CTNNA3: variants seen among roughly 807,000 people sequenced by gnomAD.
CTNNA3 encodes catenin alpha-3.
CTNNA3 carries 76 observed loss-of-function variants against 95.7 expected under a neutral mutation model. The ratio of observed to expected loss-of-function variants is 0.79; its 90% CI spans 0.66 to 0.96. The LOEUF is 0.96. CTNNA3 is among the 40% of genes least tolerant of loss of function. The probability of loss-of-function intolerance (pLI) is 0.00; values close to 1 mark genes in which losing one functional copy is unlikely to be tolerated. For missense variants in CTNNA3, 1,191 were observed against 1,089.8 expected, an observed-to-expected ratio of 1.09 and a Z score of -1.31; for synonymous variants, 431 against 374.4, an observed-to-expected ratio of 1.15 and a Z score of -1.74.
intron 10 of CTNNA3, among the ~76,000 whole-genome samples, chr10:66,537,188 G>A (rs1841691107): frequency 6.6e-6 from 1 of 152,040 alleles, no homozygotes; most frequent in Non-Finnish European, 1.5e-5. Flanking sequence ...AAACAAGTTT[G>A]CAGCATAAAA....
At chr10:66,104,418 T>C (rs1327575198) in intron 13 of CTNNA3, among the ~76,000 whole-genome samples, 1 of 152,216 alleles carries the variant, frequency 6.6e-6, no homozygotes, top group African/African-American at 2.4e-5. Flanking sequence ...TAGTATTTGT[T>C]TTAGTGCACA....
chr10:66,656,201 G>T (rs1846068969), intron 9 of CTNNA3, among the ~76,000 whole-genome samples: 1 of 152,104 alleles, frequency 6.6e-6, no homozygotes, highest in South Asian at 2.1e-4. Flanking sequence ...GAGCAGGACA[G>T]CAAAGGATCT....
chr10:66,350,697 A>T (rs182418716), intron 12 of CTNNA3, among the ~76,000 whole-genome samples: 2 of 152,108 alleles, frequency 1.3e-5, no homozygotes, highest in East Asian at 3.9e-4. Context: ...ACATGACAGA[A>T]TCAATGTCAT....
chr10:66,420,571 C>T (rs369717580), intron 11 of CTNNA3, among the ~76,000 whole-genome samples: 6 of 151,898 alleles, frequency 4.0e-5, no homozygotes, highest in East Asian at 1.9e-4. Context: ...GAATCTGAGA[C>T]GGGCAGGTCA....
At chr10:67,380,605 CAACT>C (rs1487258420) in intron 5 of CTNNA3, among the ~76,000 whole-genome samples, 7 of 152,136 alleles carry the variant, frequency 4.6e-5, no homozygotes, top group Non-Finnish European at 8.8e-5. Context: ...TTGATATACT[CAACT>C]GTCTAAATGA....
At chr10:67,434,809 C>G (rs1640574084) in intron 5 of CTNNA3, among the ~76,000 whole-genome samples, 2 of 151,906 alleles carry the variant, frequency 1.3e-5, no homozygotes, top group Admixed American at 6.6e-5. Flanking sequence ...CATGACTTAC[C>G]AAGTCAGCAT....
chr10:66,629,264 T>A (rs1845048073), intron 9 of CTNNA3, among the ~76,000 whole-genome samples: 1 of 152,036 alleles, frequency 6.6e-6, no homozygotes, highest in South Asian at 2.1e-4. Context: ...CAGAGGACTG[T>A]GTATGAGGTA....
intron 7 of CTNNA3, among the ~76,000 whole-genome samples, chr10:66,988,769 T>C (rs1850872444): frequency 6.6e-6 from 1 of 152,058 alleles, no homozygotes; most frequent in Admixed American, 6.6e-5. Flanking sequence ...AGGTGCAATT[T>C]TTTTCCTACT....
At chr10:66,583,630 T>C (rs1843267688) in intron 10 of CTNNA3, among the ~76,000 whole-genome samples, 2 of 151,694 alleles carry the variant, frequency 1.3e-5, no homozygotes, top group African/African-American at 2.4e-5. Context: ...TTGAAGGAGC[T>C]ATTTTTTGTT....
At chr10:67,401,581 C>T (rs1844924588) in intron 5 of CTNNA3, among the ~76,000 whole-genome samples, 1 of 152,122 alleles carries the variant, frequency 6.6e-6, no homozygotes, top group African/African-American at 2.4e-5. Flanking sequence ...CCAGACCTCT[C>T]CCTAAGGGAG....
At chr10:66,340,524 A>G (rs1488978761) in intron 12 of CTNNA3, among the ~76,000 whole-genome samples, 3 of 151,852 alleles carry the variant, frequency 2.0e-5, no homozygotes, top group Non-Finnish European at 4.4e-5. Flanking sequence ...AAATATTACT[A>G]TGTCTGAAGA....
intron 1 of CTNNA3, among the ~76,000 whole-genome samples, chr10:67,680,394 A>G (rs764955124): frequency 6.6e-6 from 1 of 152,224 alleles, no homozygotes; most frequent in Non-Finnish European, 1.5e-5. Flanking sequence ...GGAGCAATAA[A>G]TTGACTGAAA....
At chr10:66,964,026 T>G (rs1028992481) in intron 7 of CTNNA3, among the ~76,000 whole-genome samples, 4 of 151,734 alleles carry the variant, frequency 2.6e-5, no homozygotes, top group African/African-American at 9.7e-5. Context: ...TTCGTATTTT[T>G]TTTTCAGTAG....
At chr10:66,293,015 A>G (rs1359829173) in intron 12 of CTNNA3, among the ~76,000 whole-genome samples, 7 of 152,100 alleles carry the variant, frequency 4.6e-5, no homozygotes, top group Non-Finnish European at 8.8e-5. Context: ...TACTGCAGGA[A>G]GAAATCATTT....
At chr10:66,200,280 G>C (rs889179338) in intron 13 of CTNNA3, among the ~76,000 whole-genome samples, 3 of 151,854 alleles carry the variant, frequency 2.0e-5, no homozygotes, top group African/African-American at 7.3e-5. Flanking sequence ...TTAAGCACCA[G>C]GGGAACAGTG....
chr10:67,471,021 G>A (rs533137349), intron 5 of CTNNA3, among the ~76,000 whole-genome samples: 1 of 150,918 alleles, frequency 6.6e-6, no homozygotes, highest in Admixed American at 6.6e-5. Context: ...TCACCATGTC[G>A]GCCAGGCTAC....
chr10:66,758,860 A>G (rs1336403762), intron 9 of CTNNA3, among the ~76,000 whole-genome samples: 1 of 152,014 alleles, frequency 6.6e-6, no homozygotes, highest in African/African-American at 2.4e-5. Context: ...TCTTGAATCC[A>G]GGAGGCAGAG....
At chr10:66,588,718 C>A (rs1371994274) in intron 10 of CTNNA3, among the ~76,000 whole-genome samples, 1 of 152,074 alleles carries the variant, frequency 6.6e-6, no homozygotes, top group African/African-American at 2.4e-5. Context: ...AGAATACCAG[C>A]ATATTTGGAT....
chr10:66,027,559 T>C (rs1032841327), intron 15 of CTNNA3, among the ~76,000 whole-genome samples: 14 of 152,180 alleles, frequency 9.2e-5, no homozygotes. Flanking sequence ...GATCTCCTCA[T>C]AATTGTCCCT....
Sources: allele counts gnomAD v4.1 joint callset (sites outside exome capture counted in the v4.1 genomes callset), GRCh38; gene constraint gnomAD v4.1.1; transcripts MANE v1.5; gene names NCBI Gene and HGNC (gene_info 2026-07-23, HGNC 2026-07-21).